The following PTPRD variants were observed in gnomAD, a reference collection of about 807,000 sequenced individuals.
The protein encoded by PTPRD is protein tyrosine phosphatase receptor type D.
PTPRD carries 34 observed loss-of-function variants against 214.5 expected under a neutral mutation model. The ratio of observed to expected loss-of-function variants is 0.16; its 90% CI spans 0.12 to 0.21. The LOEUF is 0.21. Among genes scored for constraint, PTPRD ranks in the 10% least tolerant of loss-of-function variants. PTPRD has a pLI of 1.00. For missense variants in PTPRD, 2,545 were observed against 2,398.7 expected, an observed-to-expected ratio of 1.06 and a Z score of -1.27; for synonymous variants, 1,128 against 845.7, an observed-to-expected ratio of 1.33 and a Z score of -5.79.
chr9:10,133,258 A>G (rs1429402465), intron 3 of PTPRD, among the ~76,000 whole-genome samples: 1 of 152,134 alleles, frequency 6.6e-6, no homozygotes, highest in Non-Finnish European at 1.5e-5. Context: ...GCACTCACAG[A>G]TACTGAAGAG....
intron 5 of PTPRD, among the ~76,000 whole-genome samples, chr9:9,767,186 C>T (rs559240696): frequency 3.3e-5 from 5 of 151,870 alleles, no homozygotes; most frequent in South Asian, 2.1e-4. Flanking sequence ...AATCAAACAT[C>T]GCTTTTCAAA....
chr9:9,971,203 G>C (rs1268834100), intron 4 of PTPRD, among the ~76,000 whole-genome samples: 1 of 152,178 alleles, frequency 6.6e-6, no homozygotes, highest in Non-Finnish European at 1.5e-5. Flanking sequence ...AAAACATCAG[G>C]TAAGATTTAA....
Position 8,933,133 on chromosome 9 carries a change from C to A in PTPRD, c.-104+85564G>T, listed in dbSNP as rs143759599. ...TTAGCTAGGGGAGGGAGTTCCCCGA[C>A]CCCTTGTGCTTCCTGGGTGAGGTGA... On this transcript the variant is annotated intron_variant, in intron 11 of 45. Transcript: ENST00000381196. Among the ~76,000 whole-genome samples the A allele has an allele frequency of 3.2e-3, 483 of 152,130 alleles. 4 individuals carry two copies. The highest frequency in any genetic ancestry group is 0.011 in the African/African-American group (462 of 41,538).
At chr9:8,596,292 T>C (rs1022990351) in intron 14 of PTPRD, among the ~76,000 whole-genome samples, 6 of 152,064 alleles carry the variant, frequency 3.9e-5, no homozygotes, top group Non-Finnish European at 8.8e-5. Flanking sequence ...ATGGATTATA[T>C]GGATAAATAT....
At chr9:10,572,765 T>C (rs1305245414) in intron 2 of PTPRD, among the ~76,000 whole-genome samples, 1 of 152,166 alleles carries the variant, frequency 6.6e-6, no homozygotes, top group African/African-American at 2.4e-5. Context: ...ACATGCTAAA[T>C]AGCTTTTACT....
chr9:9,325,306 G>C (rs1969382379), intron 9 of PTPRD, among the ~76,000 whole-genome samples: 1 of 152,152 alleles, frequency 6.6e-6, no homozygotes, highest in African/African-American at 2.4e-5. Context: ...TCACGATATT[G>C]ATTCTTCCTA....
rs115623215 is a variant in PTPRD, at chr9:9,357,211, G to C, written c.-203+40238C>G. On this transcript the variant is annotated intron_variant, in intron 9 of 45. Coordinates refer to ENST00000381196, the MANE Select transcript of PTPRD (RefSeq NM_002839.4). ...CAATCTGGTTTCATAAATACTGTGA[G>C]AATTTATGGGTGTCTGGAATAAAGG... 6.1e-3 allele frequency among the ~76,000 whole-genome samples: 919 copies of C among 151,406 alleles called. 5 individuals carry two copies. Among genetic ancestry groups the C allele is most frequent in the African/African-American group, 0.021 (890 of 41,436 alleles).
intron 39 of PTPRD, among the ~76,000 whole-genome samples, chr9:8,367,406 G>C (rs1035680802): frequency 6.6e-6 from 1 of 152,124 alleles, no homozygotes; most frequent in African/African-American, 2.4e-5. Flanking sequence ...TGTGGGGGAA[G>C]GGAGGTGAGG....
Position 8,465,661 on chromosome 9 carries a change from T to A in PTPRD, c.3519A>T (p.Ile1173=), listed in dbSNP as rs775348301. 3.7e-6 allele frequency: 6 copies of A among 1,611,552 alleles called. No homozygotes were observed. In the Admixed American group the frequency reaches 1.0e-4, roughly 27 times the overall value. The change falls in exon 32 of 46, where the codon ATA becomes ATT. Residue 1173 remains isoleucine (I), a synonymous_variant. Transcript: ENST00000381196. ...EMELDELLKE[I]SRKRRSIRYG... ...AACGGATGCTTCTGCGCTTCCTAGA[T>A]ATCTCCTTAAGCAGCTTAAGGAAAA...
At chr9:8,367,938 A>G (rs929359993) in intron 39 of PTPRD, among the ~76,000 whole-genome samples, 1 of 152,210 alleles carries the variant, frequency 6.6e-6, no homozygotes, top group Non-Finnish European at 1.5e-5. Context: ...CAGGAAATTG[A>G]GTCTTAGAAA....
At chr9:9,854,657 T>C (rs1019564062) in intron 5 of PTPRD, among the ~76,000 whole-genome samples, 1 of 152,168 alleles carries the variant, frequency 6.6e-6, no homozygotes, top group Non-Finnish European at 1.5e-5. Context: ...TTTTTACTTG[T>C]TTTTGATTAC....
chr9:10,069,400 A>G (rs2097950007), intron 3 of PTPRD, among the ~76,000 whole-genome samples: 1 of 152,048 alleles, frequency 6.6e-6, no homozygotes, highest in South Asian at 2.1e-4. Flanking sequence ...GCTGGTTTGT[A>G]GTGCTATACT....
intron 2 of PTPRD, among the ~76,000 whole-genome samples, chr9:10,503,208 C>CAAAA (rs1182534691): frequency 2.5e-5 from 3 of 118,454 alleles, no homozygotes; most frequent in South Asian, 2.7e-4. Flanking sequence ...AAAAAAAAAA[C>CAAAA]AAAAAAAAAC....
intron 2 of PTPRD, among the ~76,000 whole-genome samples, chr9:10,526,011 A>G (rs1193461286): frequency 6.6e-6 from 1 of 152,084 alleles, no homozygotes; most frequent in Non-Finnish European, 1.5e-5. Flanking sequence ...TTATCAGCCT[A>G]CTGCCCACAT....
chr9:9,836,876 T>C (rs921766534), intron 5 of PTPRD, among the ~76,000 whole-genome samples: 191 of 152,174 alleles, frequency 1.3e-3, no homozygotes, highest in African/African-American at 4.1e-3. Context: ...AAAACTACCA[T>C]ATCAAGAGGT....
At chr9:10,134,503 G>C (rs2154261185) in intron 3 of PTPRD, among the ~76,000 whole-genome samples, 1 of 152,174 alleles carries the variant, frequency 6.6e-6, no homozygotes, top group South Asian at 2.1e-4. Context: ...CTTAAGTGCT[G>C]CCTACTGAGT....
intron 3 of PTPRD, among the ~76,000 whole-genome samples, chr9:10,265,052 C>T (rs2093963529): frequency 6.6e-6 from 1 of 152,162 alleles, no homozygotes; most frequent in African/African-American, 2.4e-5. Context: ...TCATGGGGAA[C>T]TGAGTCCATG....
chr9:8,508,277 A>C (rs2097581438), intron 21 of PTPRD, among the ~76,000 whole-genome samples: 1 of 152,236 alleles, frequency 6.6e-6, no homozygotes, highest in African/African-American at 2.4e-5. Flanking sequence ...AAGTCTATTC[A>C]GTTTAAAACA....
At chr9:8,822,376 T>G (rs759431055) in intron 11 of PTPRD, among the ~76,000 whole-genome samples, 3 of 152,192 alleles carry the variant, frequency 2.0e-5, no homozygotes, top group East Asian at 1.9e-4. Flanking sequence ...AATAAAATGT[T>G]AAAGTACAAA....
Sources: allele counts gnomAD v4.1 joint callset (sites outside exome capture counted in the v4.1 genomes callset), GRCh38; gene constraint gnomAD v4.1.1; transcripts MANE v1.5; gene names NCBI Gene and HGNC (gene_info 2026-07-23, HGNC 2026-07-21).